TUT7: variants seen among roughly 807,000 people sequenced by gnomAD.
TUT7 encodes the protein terminal uridylyl transferase 7, also known as terminal uridylyltransferase 7.
A neutral mutation model predicts 165.9 loss-of-function variants in TUT7; 33 were observed. The observed-to-expected ratio is 0.20, with a 90% CI of 0.15 to 0.27. TUT7 has a LOEUF of 0.27. TUT7 is among the 10% of genes least tolerant of loss of function. TUT7 has a pLI of 1.00. For synonymous variants in TUT7, 552 were observed against 608.1 expected, an observed-to-expected ratio of 0.91 and a Z score of 1.36; for missense variants, 1,338 against 1,762.3, an observed-to-expected ratio of 0.76 and a Z score of 4.31.
In TUT7 at chr9:86,288,745, C is replaced by G. The variant is rs777597620; in HGVS notation, c.4421-1G>C. The G allele has an allele frequency of 1.2e-6, 2 of 1,610,600 alleles. No homozygotes were observed. The highest frequency in any genetic ancestry group is 1.7e-6 in the Non-Finnish European group (2 of 1,177,810). On this transcript the variant is annotated splice_acceptor_variant, in intron 26 of 26. Coordinates refer to ENST00000375963, the MANE Select transcript of TUT7 (RefSeq NM_024617.4). LOFTEE classifies it high-confidence loss of function. ...GTCATATATTTACTGGAAAGGCTAC[C>G]TAGAGGAGGGGAAGAAACAAAACCC...
intron 22 of TUT7, 33 bp downstream of exon 22, chr9:86,308,396 T>G (rs1303900649): frequency 7.6e-6 from 12 of 1,578,970 alleles, no homozygotes; most frequent in Non-Finnish European, 9.5e-6. Flanking sequence ...AGCTCTATAG[T>G]CTATTCGACT....
chr9:86,309,180 T>C lies in TUT7; in HGVS notation c.3660+32A>G, dbSNP rs761944747. 1.4e-5 allele frequency: 19 copies of C among 1,383,526 alleles called. No homozygotes were observed. The South Asian group carries it at 2.3e-4, about 17-fold the overall frequency. 85.7% of individuals were successfully genotyped at this position (1,383,526 alleles called of 1,614,324 possible). ...AGTATAGCTAATTTTTAGTCAAGGA[T>C]ATAGGAAAATCTTTACTCTTAAAAT... On this transcript the variant is annotated intron_variant, in intron 21 of 26. Transcript: ENST00000375963.
At chr9:86,347,481 T>G (rs1330992286) in intron 2 of TUT7, among the ~76,000 whole-genome samples, 5 of 152,150 alleles carry the variant, frequency 3.3e-5, no homozygotes, top group African/African-American at 9.7e-5. Context: ...TCCATCAAGT[T>G]TTCAGAGGAA....
chr9:86,319,810 G>C, intron 14 of TUT7, 140 bp from the exon 15 acceptor site: 1 of 645,518 alleles, frequency 1.5e-6, no homozygotes, highest in Admixed American at 3.0e-5. Flanking sequence ...CTTCTCAGTA[G>C]ATAGCATTAA....
intron 22 of TUT7, among the ~76,000 whole-genome samples, chr9:86,307,607 T>G (rs1244849142): frequency 6.6e-6 from 1 of 152,214 alleles, no homozygotes; most frequent in Non-Finnish European, 1.5e-5. Flanking sequence ...GCATTTAAAT[T>G]CCATTTTGTC....
chr9:86,305,031 G>T, intron 23 of TUT7, 84 bp from the exon 24 acceptor site: 1 of 1,231,430 alleles, frequency 8.1e-7, no homozygotes, highest in Non-Finnish European at 1.2e-6. Flanking sequence ...TGGGCCTGGT[G>T]GCGCCTGTTA....
chr9:86,293,072 CA>C (rs1291946934), intron 26 of TUT7, among the ~76,000 whole-genome samples: 1 of 152,054 alleles, frequency 6.6e-6, no homozygotes, highest in Non-Finnish European at 1.5e-5. Flanking sequence ...ATTTGGTAAG[CA>C]TGATAAGAAA....
chr9:86,312,029 G>A (rs1391323395), intron 17 of TUT7, among the ~76,000 whole-genome samples: 2 of 152,160 alleles, frequency 1.3e-5, no homozygotes, highest in African/African-American at 2.4e-5. Flanking sequence ...TGCAGCCTCT[G>A]CCCGGCCGCC....
At chr9:86,324,861 G>A (rs1225015411) in intron 12 of TUT7, among the ~76,000 whole-genome samples, 1 of 152,182 alleles carries the variant, frequency 6.6e-6, no homozygotes, top group African/African-American at 2.4e-5. Context: ...CTGTAGATAT[G>A]TCAAAAATAA....
intron 10 of TUT7, among the ~76,000 whole-genome samples, chr9:86,336,446 T>C (rs1437352381): frequency 6.6e-6 from 1 of 152,192 alleles, no homozygotes; most frequent in Non-Finnish European, 1.5e-5. Context: ...AATAATCCCT[T>C]ATGCCAGGAT....
At chr9:86,297,509 AGT>A (rs1826436054) in intron 26 of TUT7, among the ~76,000 whole-genome samples, 1 of 152,162 alleles carries the variant, frequency 6.6e-6, no homozygotes, top group Non-Finnish European at 1.5e-5. Flanking sequence ...CCCTATATAA[AGT>A]GTTTAGAAAG....
intron 4 of TUT7, 74 bp from the exon 5 acceptor site, chr9:86,345,228 A>G: frequency 2.1e-6 from 3 of 1,419,404 alleles, no homozygotes; most frequent in Non-Finnish European, 2.8e-6. Flanking sequence ...TGAAGACAAC[A>G]CCCTATAGAG....
rs369713048 is a variant in TUT7, at chr9:86,344,270, T to C, written c.997+707A>G. ...GCAAGAATTGAGAATGATGAAGCTA[T>C]TCCAACCATTTACCTAAACAGCAAT... is the stretch of plus-strand genomic sequence containing the variant. On this transcript the variant is annotated intron_variant, in intron 5 of 26. Transcript: ENST00000375963. Among the ~76,000 whole-genome samples, 9 of 152,252 alleles carry C rather than the reference T, an allele frequency of 5.9e-5. No homozygotes were observed. The South Asian group carries it at 1.5e-3, about 25-fold the overall frequency.
At chr9:86,317,390 T>A in intron 16 of TUT7, 114 bp from the exon 17 acceptor site, 1 of 899,944 alleles carries the variant, frequency 1.1e-6, no homozygotes, top group Non-Finnish European at 1.7e-6. Flanking sequence ...TCAGTCTATA[T>A]CTATTTTTTT....
At position 86,310,772 on chromosome 9, in the gene TUT7, C is replaced by T. The variant is rs778441453; in HGVS notation, c.3312G>A (p.Val1104=). The part of the protein sequence containing the change: ...RNILPITTAK[V]PIVKFFHLRS... ...TCAAATGGAAGAACTTCACAATTGG[C>T]ACCTTTGCTGTTGTAATAGGTAAGA... The change falls in exon 18 of 27, where the codon GTG becomes GTA. Residue 1104 remains valine (V), a synonymous_variant. Transcript: ENST00000375963. The T allele has an allele frequency of 6.2e-7, 1 of 1,613,110 alleles. No individual in the cohort carries two copies. Among genetic ancestry groups the T allele is most frequent in the Non-Finnish European group, 8.5e-7 (1 of 1,179,116 alleles).
intron 26 of TUT7, among the ~76,000 whole-genome samples, chr9:86,294,116 A>G (rs1444255899): frequency 6.6e-6 from 1 of 152,076 alleles, no homozygotes; most frequent in Non-Finnish European, 1.5e-5. Context: ...TAAAAATTAT[A>G]TGTCTGTGAA....
chr9:86,313,599 G>A (rs968233200), intron 17 of TUT7, among the ~76,000 whole-genome samples: 8 of 152,080 alleles, frequency 5.3e-5, no homozygotes, highest in African/African-American at 1.4e-4. Flanking sequence ...TTGTGGAGCC[G>A]GAATTCAAAT....
At chr9:86,288,860 C>A in intron 26 of TUT7, 116 bp from the exon 27 acceptor site, 1 of 686,908 alleles carries the variant, frequency 1.5e-6, no homozygotes, top group Non-Finnish European at 2.5e-6. Flanking sequence ...TAGAATTGGT[C>A]ACTTGTTTTG....
At chr9:86,317,832 T>C (rs1349916709) in intron 16 of TUT7, among the ~76,000 whole-genome samples, 1 of 152,178 alleles carries the variant, frequency 6.6e-6, no homozygotes, top group Admixed American at 6.5e-5. Context: ...TTGGGCTGAC[T>C]CAACATACGC....
Sources: gnomAD v4.1 joint callset for allele counts (sites outside exome capture counted in the v4.1 genomes callset) on GRCh38, gnomAD v4.1.1 for gene constraint, MANE v1.5 for transcripts, NCBI Gene and HGNC (gene_info 2026-07-23, HGNC 2026-07-21) for gene names.